Variants in EYS observed in about 807,000 individuals in gnomAD.
EYS encodes the protein EGF-like photoreceptor maintenance factor, also known as protein eyes shut homolog.
A neutral mutation model predicts 282.1 loss-of-function variants in EYS; 250 were observed. That is an observed-to-expected ratio of 0.89 (90% confidence interval 0.80 to 0.98). The LOEUF (loss-of-function observed/expected upper bound fraction) is 0.98, where lower values mean the gene tolerates loss of function less well. EYS is among the 50% of genes least tolerant of loss of function. EYS has a pLI of 0.00. For synonymous variants in EYS, 1,355 were observed against 1,282.9 expected (o/e 1.06, Z -1.20); for missense variants, 4,016 against 3,709.0 (o/e 1.08, Z -2.15).
At chr6:64,346,731 A>T (rs1219566388) in intron 29 of EYS, among the ~76,000 whole-genome samples, 1 of 151,428 alleles carries the variant, frequency 6.6e-6, no homozygotes, top group Non-Finnish European at 1.5e-5. Flanking sequence ...AACAAAACAA[A>T]AAAACATTTT....
At chr6:64,135,212 C>T (rs765337636) in intron 31 of EYS, among the ~76,000 whole-genome samples, 2 of 146,948 alleles carry the variant, frequency 1.4e-5, no homozygotes, top group African/African-American at 2.5e-5. Context: ...AGTAGTGGTG[C>T]TTTTTTTTTT....
At chr6:65,626,852 A>G (rs1421010855) in intron 2 of EYS, among the ~76,000 whole-genome samples, 4 of 151,676 alleles carry the variant, frequency 2.6e-5, no homozygotes, top group African/African-American at 9.7e-5. Context: ...GTATGGACTC[A>G]TAAGAACAGA....
intron 29 of EYS, among the ~76,000 whole-genome samples, chr6:64,370,398 T>C (rs568852238): frequency 6.6e-6 from 1 of 152,282 alleles, no homozygotes; most frequent in Admixed American, 6.5e-5. Context: ...ATTAGCTTTT[T>C]GATGTGCTGC....
chr6:64,132,420 C>T (rs1472186251), intron 31 of EYS, among the ~76,000 whole-genome samples: 1 of 151,692 alleles, frequency 6.6e-6, no homozygotes, highest in Non-Finnish European at 1.5e-5. Flanking sequence ...TGTAGATAAT[C>T]TAAAGATTAT....
At chr6:65,347,173 C>A (rs1236292941) in intron 9 of EYS, among the ~76,000 whole-genome samples, 1 of 151,706 alleles carries the variant, frequency 6.6e-6, no homozygotes, top group Non-Finnish European at 1.5e-5. Flanking sequence ...TTGTCCAATT[C>A]TAAAATTTTT....
intron 31 of EYS, among the ~76,000 whole-genome samples, chr6:64,136,912 C>T (rs1774178671): frequency 6.6e-6 from 1 of 152,144 alleles, no homozygotes; most frequent in Admixed American, 6.6e-5. Context: ...GAAAGTCAGC[C>T]TATCTTTTGA....
chr6:64,644,262 A>G (rs1370364353), intron 22 of EYS, among the ~76,000 whole-genome samples: 2 of 152,150 alleles, frequency 1.3e-5, no homozygotes, highest in Admixed American at 1.3e-4. Context: ...ATCATAATGG[A>G]GCATCCCAGT....
At chr6:64,915,725 A>G (rs1032711679) in intron 15 of EYS, among the ~76,000 whole-genome samples, 2 of 152,166 alleles carry the variant, frequency 1.3e-5, no homozygotes, top group Admixed American at 6.5e-5. Context: ...ATCACATTTT[A>G]AAATTGTCAA....
chr6:64,326,190 A>C (rs1770415613), intron 29 of EYS, among the ~76,000 whole-genome samples: 1 of 151,842 alleles, frequency 6.6e-6, no homozygotes, highest in African/African-American at 2.4e-5. Flanking sequence ...GCAAAGTGTG[A>C]CCCCCTTCCC....
intron 31 of EYS, among the ~76,000 whole-genome samples, chr6:64,199,824 T>G (rs1765407380): frequency 6.6e-6 from 1 of 151,976 alleles, no homozygotes; most frequent in Admixed American, 6.6e-5. Flanking sequence ...AAAAAAATGC[T>G]CTTAGGTATT....
chr6:64,171,419 AAATG>A (rs1477070100), intron 31 of EYS, among the ~76,000 whole-genome samples: 2 of 152,198 alleles, frequency 1.3e-5, no homozygotes, highest in African/African-American at 4.8e-5. Context: ...TGCATTCTAA[AAATG>A]AATGAGTTGG....
At chr6:65,085,894 C>T (rs1186293857) in intron 12 of EYS, among the ~76,000 whole-genome samples, 1 of 151,846 alleles carries the variant, frequency 6.6e-6, no homozygotes, top group African/African-American at 2.4e-5. Flanking sequence ...CTTCAAGGAC[C>T]AGCTCAAATA....
At chr6:64,628,652 T>A (rs968156505) in intron 22 of EYS, among the ~76,000 whole-genome samples, 7 of 152,210 alleles carry the variant, frequency 4.6e-5, no homozygotes, top group Admixed American at 6.5e-5. Flanking sequence ...TGTTGCCCAG[T>A]CACATTATCA....
chr6:63,948,463 G>A (rs12203537), intron 35 of EYS, among the ~76,000 whole-genome samples: 1 of 152,080 alleles, frequency 6.6e-6, no homozygotes, highest in Non-Finnish European at 1.5e-5. Context: ...ACTGATGCCT[G>A]CCTCCAGTAG....
At chr6:64,296,608 T>A (rs1769035970) in intron 30 of EYS, among the ~76,000 whole-genome samples, 3 of 11,492 alleles carry the variant, frequency 2.6e-4, no homozygotes, top group Non-Finnish European at 5.0e-4. Context: ...ATTTTTTTTT[T>A]TTTTTTTTTT....
At chr6:63,950,153 C>T (rs1405344448) in intron 35 of EYS, among the ~76,000 whole-genome samples, 1 of 148,946 alleles carries the variant, frequency 6.7e-6, no homozygotes, top group Non-Finnish European at 1.5e-5. Flanking sequence ...GCATTGGCAA[C>T]AGAATGAGAC....
At chr6:65,405,745 T>C (rs1582249931) in intron 5 of EYS, among the ~76,000 whole-genome samples, 1 of 152,056 alleles carries the variant, frequency 6.6e-6, no homozygotes, top group Admixed American at 6.6e-5. Flanking sequence ...TTTAAAGAAT[T>C]TTCACGTTGT....
At chr6:64,549,952 G>A (rs2149804784) in intron 26 of EYS, among the ~76,000 whole-genome samples, 1 of 151,674 alleles carries the variant, frequency 6.6e-6, no homozygotes, top group East Asian at 1.9e-4. Context: ...TATTCTCATT[G>A]TTCAGTTCCC....
intron 1 of EYS, among the ~76,000 whole-genome samples, chr6:65,652,081 T>C (rs1034927863): frequency 1.3e-5 from 2 of 151,868 alleles, no homozygotes; most frequent in African/African-American, 4.8e-5. Context: ...AAAACATCAA[T>C]AATTAAAACA....
Sources: gnomAD v4.1 joint callset for allele counts (sites outside exome capture counted in the v4.1 genomes callset) on GRCh38, gnomAD v4.1.1 for gene constraint, MANE v1.5 for transcripts, NCBI Gene and HGNC (gene_info 2026-07-23, HGNC 2026-07-21) for gene names.